PRMT3: variants seen among roughly 807,000 people sequenced by gnomAD.
PRMT3 encodes protein arginine methyltransferase 3.
Under a neutral mutation model 71.9 loss-of-function variants are expected in PRMT3, and 62 were observed. The ratio of observed to expected loss-of-function variants is 0.86; its 90% CI spans 0.70 to 1.07. The LOEUF (loss-of-function observed/expected upper bound fraction) is 1.07. Among genes scored for constraint, PRMT3 ranks in the 50% least tolerant of loss-of-function variants. The pLI is 0.00. For missense variants in PRMT3, 663 were observed against 643.0 expected (o/e 1.03, Z -0.34); for synonymous variants, 213 against 220.4 (o/e 0.97, Z 0.30).
At chr11:20,492,655 AAG>A (rs960938244) in intron 13 of PRMT3, among the ~76,000 whole-genome samples, 6 of 152,330 alleles carry the variant, frequency 3.9e-5, no homozygotes, top group African/African-American at 1.4e-4. Context: ...CAGCTTTAAA[AAG>A]TGATTAAGTC....
chr11:20,499,410 C>T (rs1478317533), intron 15 of PRMT3, among the ~76,000 whole-genome samples: 1 of 151,942 alleles, frequency 6.6e-6, no homozygotes, highest in Non-Finnish European at 1.5e-5. Flanking sequence ...TCGCTGAGGC[C>T]AAGAGTTTGA....
Position 20,397,701 on chromosome 11 carries a change from A to G in PRMT3, c.685A>G (p.Ile229Val). The G allele has an allele frequency of 6.2e-7, 1 of 1,614,040 alleles. No individual in the cohort carries two copies. Among genetic ancestry groups the G allele is most frequent in the South Asian group, 1.1e-5 (1 of 91,050 alleles). Residue 229 changes from isoleucine (I) to valine (V), a missense_variant, in exon 7 of 16, where the codon ATA becomes GTA. Transcript: ENST00000331079. ...TTTCAGCTCATACGGGCATTATGGG[A>G]TACATGAAGAAATGCTAAAGGTTAG... is the stretch of plus-strand genomic sequence containing the variant. ...VYFSSYGHYG[I>V]HEEMLKDKIR... is the part of the protein sequence containing the mutation.
At chr11:20,505,717 G>A (rs1851574579) in intron 15 of PRMT3, among the ~76,000 whole-genome samples, 1 of 152,046 alleles carries the variant, frequency 6.6e-6, no homozygotes, top group Non-Finnish European at 1.5e-5. Flanking sequence ...AATCTTAAAT[G>A]TGTTCAATAT....
intron 9 of PRMT3, among the ~76,000 whole-genome samples, chr11:20,425,555 A>G (rs1416174205): frequency 1.3e-5 from 2 of 152,238 alleles, no homozygotes; most frequent in Non-Finnish European, 2.9e-5. Flanking sequence ...GTGGAATACT[A>G]CTCAGCAGTA....
At chr11:20,432,411 A>G (rs986423081) in intron 10 of PRMT3, among the ~76,000 whole-genome samples, 3 of 152,122 alleles carry the variant, frequency 2.0e-5, no homozygotes, top group Non-Finnish European at 2.9e-5. Context: ...TGTCTCCTAT[A>G]AACTGTATAT....
intron 15 of PRMT3, among the ~76,000 whole-genome samples, chr11:20,502,179 C>T (rs1851473838): frequency 6.6e-6 from 1 of 152,170 alleles, no homozygotes; most frequent in African/African-American, 2.4e-5. Context: ...GTGTTCCTTC[C>T]AGCTCTCACC....
intron 13 of PRMT3, among the ~76,000 whole-genome samples, chr11:20,465,608 T>C (rs1322569531): frequency 2.0e-5 from 3 of 152,026 alleles, no homozygotes; most frequent in African/African-American, 7.2e-5. Context: ...ACAATGTACT[T>C]TGATGTTTTG....
chr11:20,407,523 A>C (rs1849097634), intron 8 of PRMT3: 1 of 158,288 alleles, frequency 6.3e-6, no homozygotes, highest in African/African-American at 2.4e-5. Flanking sequence ...GTACTGACTC[A>C]CCCAGACAGG....
At chr11:20,437,509 G>A (rs988979999) in intron 10 of PRMT3, among the ~76,000 whole-genome samples, 2 of 152,114 alleles carry the variant, frequency 1.3e-5, no homozygotes, top group African/African-American at 4.8e-5. Context: ...TTCTTGACCT[G>A]TGTTCAACAT....
At chr11:20,422,934 T>C (rs531742176) in intron 9 of PRMT3, among the ~76,000 whole-genome samples, 9 of 152,324 alleles carry the variant, frequency 5.9e-5, no homozygotes, top group African/African-American at 2.2e-4. Flanking sequence ...TGATAACCCA[T>C]CCACCCCATT....
At chr11:20,456,028 C>A (rs1411081711) in intron 11 of PRMT3, among the ~76,000 whole-genome samples, 1 of 152,074 alleles carries the variant, frequency 6.6e-6, no homozygotes, top group Admixed American at 6.5e-5. Context: ...CTGAAAGAAA[C>A]ACTGATAAAT....
chr11:20,443,768 G>C (rs1590068687), intron 10 of PRMT3, among the ~76,000 whole-genome samples: 1 of 152,286 alleles, frequency 6.6e-6, no homozygotes, highest in African/African-American at 2.4e-5. Context: ...GAGGAATAGG[G>C]CCAATTTGAC....
At chr11:20,480,560 G>C (rs1467424469) in intron 13 of PRMT3, among the ~76,000 whole-genome samples, 1 of 152,100 alleles carries the variant, frequency 6.6e-6, no homozygotes, top group East Asian at 1.9e-4. Context: ...AGAGTGTTGT[G>C]ATCAGAAGGG....
At chr11:20,405,143 C>G (rs1027450934) in intron 8 of PRMT3, among the ~76,000 whole-genome samples, 13 of 151,934 alleles carry the variant, frequency 8.6e-5, no homozygotes, top group African/African-American at 3.1e-4. Flanking sequence ...AATATTATTT[C>G]AATTCACAAA....
intron 9 of PRMT3, among the ~76,000 whole-genome samples, chr11:20,421,122 T>C (rs1849415932): frequency 6.6e-6 from 1 of 152,180 alleles, no homozygotes. Context: ...CACTGCAGCC[T>C]TGACCTCCCA....
At chr11:20,469,947 TA>T (rs2133414091) in intron 13 of PRMT3, among the ~76,000 whole-genome samples, 1 of 152,282 alleles carries the variant, frequency 6.6e-6, no homozygotes, top group African/African-American at 2.4e-5. Context: ...ACATCTGAAT[TA>T]AAAAAGAAGC....
At chr11:20,491,968 A>C (rs1398210042) in intron 13 of PRMT3, among the ~76,000 whole-genome samples, 2 of 152,184 alleles carry the variant, frequency 1.3e-5, no homozygotes, top group Non-Finnish European at 2.9e-5. Flanking sequence ...TATACTGACT[A>C]TGTAATAAAG....
intron 13 of PRMT3, among the ~76,000 whole-genome samples, chr11:20,480,133 C>A (rs1850895492): frequency 6.6e-6 from 1 of 152,174 alleles, no homozygotes; most frequent in African/African-American, 2.4e-5. Flanking sequence ...TCATGGACAT[C>A]AGAATAGTGG....
Position 20,481,417 on chromosome 11 carries a change from A to G in PRMT3, c.1348-12502A>G, listed in dbSNP as rs562090014. 1.5e-3 allele frequency among the ~76,000 whole-genome samples: 233 copies of G among 152,240 alleles called. 1 individual carries two copies. The highest frequency in any genetic ancestry group is 5.4e-3 in the African/African-American group (224 of 41,576). On this transcript the variant is annotated intron_variant, in intron 13 of 15. Coordinates refer to ENST00000331079, the MANE Select transcript of PRMT3 (RefSeq NM_005788.4). The stretch of plus-strand genomic sequence containing the variant: ...ATTTCTGTAGGATGAGCATCTTGCT[A>G]GACTGCATGATTGTCTTTATAAAAG...
Sources: allele counts gnomAD v4.1 joint callset (sites outside exome capture counted in the v4.1 genomes callset), GRCh38; gene constraint gnomAD v4.1.1; transcripts MANE v1.5; gene names NCBI Gene and HGNC (gene_info 2026-07-23, HGNC 2026-07-21).